PPP2R2B: variants seen among roughly 807,000 people sequenced by gnomAD.
The protein encoded by PPP2R2B is serine/threonine-protein phosphatase 2A 55 kDa regulatory subunit B beta isoform.
A neutral mutation model predicts 46.0 loss-of-function variants in PPP2R2B; 5 were observed. The ratio of observed to expected loss-of-function variants is 0.11; its 90% CI spans 0.06 to 0.23. The LOEUF is 0.23. PPP2R2B is among the 10% of genes least tolerant of loss of function. The pLI, the probability that PPP2R2B is intolerant of heterozygous loss-of-function variation, is 1.00. For missense variants in PPP2R2B, 367 were observed against 575.0 expected, an observed-to-expected ratio of 0.64 and a Z score of 3.70; for synonymous variants, 215 against 206.7, an observed-to-expected ratio of 1.04 and a Z score of -0.34.
upstream of PPP2R2B, among the ~76,000 whole-genome samples, chr5:147,060,904 G>A (rs1757237808): frequency 6.6e-6 from 1 of 152,160 alleles, no homozygotes; most frequent in South Asian, 2.1e-4. Flanking sequence ...CATAAGAGGA[G>A]TTTGATAAGT....
At chr5:146,594,390 A>G (rs1442072896) in intron 8 of PPP2R2B, among the ~76,000 whole-genome samples, 1 of 152,232 alleles carries the variant, frequency 6.6e-6, no homozygotes, top group African/African-American at 2.4e-5. Context: ...TACATTCAGC[A>G]ACTCAGCTGT....
chr5:146,687,649 TGTTAA>T (rs1409435095), intron 5 of PPP2R2B, among the ~76,000 whole-genome samples: 1 of 152,124 alleles, frequency 6.6e-6, no homozygotes, highest in Non-Finnish European at 1.5e-5. Flanking sequence ...TATTGCTTTA[TGTTAA>T]GTTATGATAT....
intron 1 of PPP2R2B, among the ~76,000 whole-genome samples, chr5:146,944,725 A>T (rs951861677): frequency 1.3e-5 from 2 of 152,110 alleles, no homozygotes; most frequent in African/African-American, 4.8e-5. Context: ...TTCATTTGCA[A>T]CCTTGCTTCC....
chr5:146,986,111 G>A (rs1176178542), intron 1 of PPP2R2B, among the ~76,000 whole-genome samples: 1 of 152,152 alleles, frequency 6.6e-6, no homozygotes, highest in Non-Finnish European at 1.5e-5. Context: ...AACAAGAAGA[G>A]GCACATTGGA....
intron 1 of PPP2R2B, among the ~76,000 whole-genome samples, chr5:146,947,626 G>A (rs1200769036): frequency 1.3e-5 from 2 of 151,966 alleles, no homozygotes; most frequent in African/African-American, 4.8e-5. Flanking sequence ...TATACCTGGG[G>A]CCAGCCCTAT....
intron 2 of PPP2R2B, among the ~76,000 whole-genome samples, chr5:146,729,491 A>G (rs1752095936): frequency 6.6e-6 from 1 of 152,232 alleles, no homozygotes; most frequent in African/African-American, 2.4e-5. Flanking sequence ...CCCCAAGACC[A>G]TGGGGAAAAT....
intron 5 of PPP2R2B, among the ~76,000 whole-genome samples, chr5:146,666,008 A>G (rs1776960769): frequency 6.6e-6 from 1 of 152,224 alleles, no homozygotes; most frequent in Non-Finnish European, 1.5e-5. Context: ...AGCGAAATGT[A>G]ATAAAACAAG....
chr5:146,671,144 T>C (rs940023399), intron 5 of PPP2R2B, among the ~76,000 whole-genome samples: 1 of 152,212 alleles, frequency 6.6e-6, no homozygotes, highest in African/African-American at 2.4e-5. Flanking sequence ...GATTCAATAT[T>C]ACTTACAGTT....
At chr5:146,763,821 C>T (rs1313506558) in intron 2 of PPP2R2B, among the ~76,000 whole-genome samples, 1 of 152,148 alleles carries the variant, frequency 6.6e-6, no homozygotes, top group African/African-American at 2.4e-5. Flanking sequence ...TTTATGGACT[C>T]AAGTGATCCT....
intron 6 of PPP2R2B, among the ~76,000 whole-genome samples, chr5:146,647,136 T>C (rs1302517716): frequency 1.3e-5 from 1 of 75,774 alleles, no homozygotes; most frequent in African/African-American, 4.1e-5. Context: ...ACTTAATGCT[T>C]TACATACACT....
Position 146,595,714 on chromosome 5 carries a change from C to G in PPP2R2B, c.961-2652G>C, listed in dbSNP as rs115203697. Among the ~76,000 whole-genome samples the G allele has an allele frequency of 2.5e-3, 384 of 152,234 alleles. 1 individual carries two copies. Among genetic ancestry groups the G allele is most frequent in the African/African-American group, 8.7e-3 (362 of 41,540 alleles). ...GTCTTCTTAGGCAAACCAGAGGGAC[C>G]TTTTTCTACTAGAGGAAAGAATAAA... On this transcript the variant is annotated intron_variant, in intron 8 of 9. Coordinates refer to ENST00000394411, the MANE Select transcript of PPP2R2B (RefSeq NM_181675.4).
At chr5:147,047,451 A>T (rs1406594848) in intron 1 of PPP2R2B, among the ~76,000 whole-genome samples, 1 of 151,940 alleles carries the variant, frequency 6.6e-6, no homozygotes, top group Non-Finnish European at 1.5e-5. Context: ...AAATTTCTTA[A>T]ACTCCACCCC....
intron 1 of PPP2R2B, among the ~76,000 whole-genome samples, chr5:146,970,454 T>C (rs1364763082): frequency 6.6e-6 from 1 of 151,876 alleles, no homozygotes; most frequent in Non-Finnish European, 1.5e-5. Context: ...AAATTAGCCA[T>C]GCGTGGTGGC....
At chr5:146,884,914 C>G (rs1272582322) in intron 1 of PPP2R2B, among the ~76,000 whole-genome samples, 1 of 152,066 alleles carries the variant, frequency 6.6e-6, no homozygotes, top group East Asian at 1.9e-4. Context: ...CCAAGAAATA[C>G]CACTTTACAG....
chr5:146,813,202 C>A (rs889998053), intron 2 of PPP2R2B, among the ~76,000 whole-genome samples: 1 of 151,608 alleles, frequency 6.6e-6, no homozygotes, highest in African/African-American at 2.4e-5. Context: ...GCATAGGAAG[C>A]ACCTAATAAA....
In PPP2R2B at chr5:146,638,284, G is replaced by C; in HGVS notation, c.757C>G (p.Arg253Gly). The C allele has an allele frequency of 6.2e-7, 1 of 1,613,814 alleles. No individual in the cohort carries two copies. Among genetic ancestry groups the C allele is most frequent in the Non-Finnish European group, 8.5e-7 (1 of 1,179,784 alleles). Residue 253 changes from arginine to glycine, a missense_variant, in exon 7 of 10, where the codon CGG becomes GGG. Transcript: ENST00000394411. ...SKGTIRLCDM[R>G]ASALCDRHTK... ...TGCCTGTCACACAGGGCAGATGCCCGCATGTCACACAGCCGGATTGTCCCT... is the reference window on the plus strand; with the variant it reads ...TGCCTGTCACACAGGGCAGATGCCCCCATGTCACACAGCCGGATTGTCCCT...
chr5:146,616,314 C>T (rs1048859864), intron 7 of PPP2R2B, among the ~76,000 whole-genome samples: 8 of 152,182 alleles, frequency 5.3e-5, no homozygotes, highest in African/African-American at 9.7e-5. Context: ...GTCTCCAGGA[C>T]ATTGGACTGG....
At chr5:146,824,294 G>T (rs1296597705) in intron 2 of PPP2R2B, among the ~76,000 whole-genome samples, 3 of 151,272 alleles carry the variant, frequency 2.0e-5, no homozygotes, top group African/African-American at 7.3e-5. Context: ...GACATGGAAA[G>T]AATCACAGGG....
At chr5:146,627,723 A>G (rs1456829270) in intron 7 of PPP2R2B, among the ~76,000 whole-genome samples, 2 of 152,170 alleles carry the variant, frequency 1.3e-5, no homozygotes, top group Admixed American at 6.5e-5. Flanking sequence ...TCTGTGCCTC[A>G]TCTATAAATT....
Sources: gnomAD v4.1 joint callset for allele counts (sites outside exome capture counted in the v4.1 genomes callset) on GRCh38, gnomAD v4.1.1 for gene constraint, MANE v1.5 for transcripts, NCBI Gene and HGNC (gene_info 2026-07-23, HGNC 2026-07-21) for gene names.